Variants in PACRG observed in about 807,000 individuals in gnomAD.
The protein encoded by PACRG is parkin coregulated.
In PACRG, 29 loss-of-function variants were observed where a neutral mutation model predicts 29.7. The observed-to-expected ratio is 0.98, with a 90% CI of 0.73 to 1.33. PACRG has a LOEUF of 1.33. PACRG is among the 40% of genes most tolerant of loss of function. The probability of loss-of-function intolerance (pLI) is 0.00; values close to 1 mark genes in which losing one functional copy is unlikely to be tolerated. For synonymous variants in PACRG, 116 were observed against 118.7 expected (o/e 0.98, Z 0.15); for missense variants, 279 against 316.2 (o/e 0.88, Z 0.89).
Position 163,207,246 on chromosome 6 carries a change from G to A in PACRG, c.614-107581G>A, listed in dbSNP as rs540588686. Among the ~76,000 whole-genome samples the A allele has an allele frequency of 2.0e-5, 3 of 152,176 alleles. No homozygotes were observed. In the South Asian group the frequency reaches 6.2e-4, roughly 32 times the overall value. ...TTAGAAAGTGATCTGTTCCCTCATT[G>A]TTTTATTTATAATTTAGAGTATGGG... is the stretch of plus-strand genomic sequence containing the variant. On this transcript the variant is annotated intron_variant, in intron 4 of 4. Transcript: ENST00000366888.
intron 1 of PACRG, among the ~76,000 whole-genome samples, chr6:162,791,921 C>G (rs960167322): frequency 1.3e-5 from 2 of 152,142 alleles, no homozygotes; most frequent in Non-Finnish European, 2.9e-5. Flanking sequence ...GTTTCACATG[C>G]TGACGGGTGT....
chr6:163,188,174 A>G (rs1332947038), intron 4 of PACRG, among the ~76,000 whole-genome samples: 2 of 152,214 alleles, frequency 1.3e-5, no homozygotes. Context: ...GCATCAGAAC[A>G]TCGGGGAGGC....
At chr6:163,084,251 A>G (rs540142495) in intron 3 of PACRG, among the ~76,000 whole-genome samples, 1 of 152,200 alleles carries the variant, frequency 6.6e-6, no homozygotes, top group Non-Finnish European at 1.5e-5. Flanking sequence ...AAGAATAAAC[A>G]CATTTCTTCT....
At chr6:162,942,764 T>C (rs1183027450) in intron 2 of PACRG, among the ~76,000 whole-genome samples, 3 of 152,192 alleles carry the variant, frequency 2.0e-5, no homozygotes, top group African/African-American at 7.2e-5. Flanking sequence ...TAATATTTGA[T>C]TGATTCAGTG....
chr6:163,272,335 C>A (rs1216199838), intron 4 of PACRG, among the ~76,000 whole-genome samples: 2 of 152,158 alleles, frequency 1.3e-5, no homozygotes, highest in African/African-American at 4.8e-5. Flanking sequence ...CCGCGCCCGG[C>A]CTGTGTATTA....
intron 4 of PACRG, among the ~76,000 whole-genome samples, chr6:163,159,960 C>T (rs944865258): frequency 6.6e-6 from 1 of 152,172 alleles, no homozygotes; most frequent in African/African-American, 2.4e-5. Flanking sequence ...TCTCTCCTTG[C>T]CAGCCCTGCT....
intron 1 of PACRG, among the ~76,000 whole-genome samples, chr6:162,792,856 A>T (rs1399096627): frequency 6.6e-6 from 1 of 152,060 alleles, no homozygotes; most frequent in Admixed American, 6.5e-5. Context: ...AGAAAAGGAG[A>T]TGTGTAGAGC....
At chr6:163,290,833 C>T (rs868417493) in intron 4 of PACRG, among the ~76,000 whole-genome samples, 11 of 152,160 alleles carry the variant, frequency 7.2e-5, no homozygotes, top group African/African-American at 1.4e-4. Flanking sequence ...AAATCGGATG[C>T]GCATGAGTTC....
intron 2 of PACRG, among the ~76,000 whole-genome samples, chr6:162,859,253 A>T (rs1169698813): frequency 2.0e-5 from 3 of 152,210 alleles, no homozygotes; most frequent in African/African-American, 7.2e-5. Context: ...GTTGCAAGAA[A>T]TGTACAATGA....
chr6:163,254,927 C>T (rs1486536358), intron 4 of PACRG, among the ~76,000 whole-genome samples: 2 of 152,250 alleles, frequency 1.3e-5, no homozygotes, highest in Non-Finnish European at 1.5e-5. Flanking sequence ...AGTATCTTAA[C>T]ACCTTCTTTT....
rs79965416 is a variant in PACRG, at chr6:162,826,838, A to G, written c.291+12557A>G. Among the ~76,000 whole-genome samples the G allele has an allele frequency of 4.3e-3, 648 of 152,266 alleles. 4 individuals are homozygous for G. Among genetic ancestry groups the G allele is most frequent in the African/African-American group, 0.014 (590 of 41,556 alleles). ...GGAGACCTTTATCTTCTCAATATTC[A>G]TATCTATTACTATGAATCTCTTGAG... On this transcript the variant is annotated intron_variant, in intron 2 of 4. Transcript: ENST00000366888.
At chr6:163,233,067 A>G (rs1782107565) in intron 4 of PACRG, among the ~76,000 whole-genome samples, 2 of 152,232 alleles carry the variant, frequency 1.3e-5, no homozygotes, top group East Asian at 1.9e-4. Context: ...ATTTTCTGTT[A>G]AGTTTTCTCT....
intron 4 of PACRG, among the ~76,000 whole-genome samples, chr6:163,242,163 T>C (rs1353944938): frequency 6.6e-6 from 1 of 152,192 alleles, no homozygotes; most frequent in East Asian, 1.9e-4. Flanking sequence ...TTAAATTAGG[T>C]TCATGCACAA....
intron 4 of PACRG, among the ~76,000 whole-genome samples, chr6:163,292,838 G>A (rs988388554): frequency 2.0e-5 from 3 of 152,134 alleles, no homozygotes; most frequent in African/African-American, 7.2e-5. Context: ...TTAGTTCAAA[G>A]TTCTGTTTCT....
chr6:162,776,870 T>G (rs981875031), intron 1 of PACRG, among the ~76,000 whole-genome samples: 1 of 152,142 alleles, frequency 6.6e-6, no homozygotes, highest in African/African-American at 2.4e-5. Context: ...GCCACATCTC[T>G]CTCTGGGTTT....
chr6:163,269,310 G>A (rs1179531141), intron 4 of PACRG, among the ~76,000 whole-genome samples: 1 of 152,210 alleles, frequency 6.6e-6, no homozygotes, highest in East Asian at 1.9e-4. Context: ...GCCAAGAGGT[G>A]AGCATTTGGC....
rs570390669 is a variant in PACRG at position 163,102,746 on chromosome 6, G to T, written c.613+13338G>T. Among the ~76,000 whole-genome samples the T allele has an allele frequency of 2.6e-5, 4 of 152,294 alleles. No homozygotes were observed. The South Asian group carries it at 6.2e-4, about 24-fold the overall frequency. ...TCCACCCAAATGTGTATGACATATG[G>T]TCAGGGAGGATGATACATCACCTGT... On this transcript the variant is annotated intron_variant, in intron 4 of 4. Transcript: ENST00000366888.
At chr6:162,900,596 A>T (rs1428591552) in intron 2 of PACRG, among the ~76,000 whole-genome samples, 1 of 148,860 alleles carries the variant, frequency 6.7e-6, no homozygotes, top group Non-Finnish European at 1.5e-5. Flanking sequence ...CTCTTTCCTC[A>T]CTCCTTGGCT....
intron 4 of PACRG, among the ~76,000 whole-genome samples, chr6:163,249,947 A>G (rs991309242): frequency 6.6e-6 from 1 of 152,210 alleles, no homozygotes; most frequent in Non-Finnish European, 1.5e-5. Context: ...GGCTGACCAG[A>G]TGACACACAC....
Sources: allele counts gnomAD v4.1 joint callset (sites outside exome capture counted in the v4.1 genomes callset), GRCh38; gene constraint gnomAD v4.1.1; transcripts MANE v1.5; gene names NCBI Gene and HGNC (gene_info 2026-07-23, HGNC 2026-07-21).